Variants in TRPS1 observed in about 807,000 individuals in gnomAD.
TRPS1 encodes zinc finger transcription factor Trps1.
Under a neutral mutation model 101.2 loss-of-function variants are expected in TRPS1, and 6 were observed. The observed-to-expected ratio is 0.06, with a 90% CI of 0.03 to 0.12. The LOEUF is 0.12. TRPS1 is among the 10% of genes least tolerant of loss of function. The pLI is 1.00. For synonymous variants in TRPS1, 578 were observed against 589.8 expected, an observed-to-expected ratio of 0.98 and a Z score of 0.29; for missense variants, 1,363 against 1,567.0, an observed-to-expected ratio of 0.87 and a Z score of 2.20.
At chr8:115,639,716 G>T (rs2130582768) in intron 1 of TRPS1, among the ~76,000 whole-genome samples, 1 of 152,136 alleles carries the variant, frequency 6.6e-6, no homozygotes, top group South Asian at 2.1e-4. Context: ...GTAGTTCCAG[G>T]TACTCCAGAG....
chr8:115,650,672 A>T (rs1811539287), intron 1 of TRPS1, among the ~76,000 whole-genome samples: 2 of 152,268 alleles, frequency 1.3e-5, no homozygotes, highest in South Asian at 4.1e-4. Context: ...GTAAAAATCA[A>T]ACATTCAAAG....
chr8:115,513,229 C>A (rs1279709847), intron 5 of TRPS1, among the ~76,000 whole-genome samples: 1 of 151,658 alleles, frequency 6.6e-6, no homozygotes, highest in Non-Finnish European at 1.5e-5. Flanking sequence ...ATGTAATAAA[C>A]ATGAAATACC....
intron 1 of TRPS1, among the ~76,000 whole-genome samples, chr8:115,657,017 G>A (rs551412637): frequency 1.4e-4 from 21 of 152,080 alleles, no homozygotes; most frequent in Non-Finnish European, 3.1e-4. Flanking sequence ...AACACAAGGT[G>A]TCAGTTTGGA....
At chr8:115,605,805 A>T (rs1284443728) in intron 3 of TRPS1, among the ~76,000 whole-genome samples, 1 of 152,184 alleles carries the variant, frequency 6.6e-6, no homozygotes, top group African/African-American at 2.4e-5. Context: ...AAAAATCACT[A>T]CAACTCTGCT....
chr8:115,518,126 C>A (rs1278902713), intron 5 of TRPS1, among the ~76,000 whole-genome samples: 8 of 107,582 alleles, frequency 7.4e-5, no homozygotes, highest in Admixed American at 4.7e-4. Context: ...GCTCAATGCA[C>A]AGAGCCATTA....
At position 115,619,445 on chromosome 8, in the gene TRPS1, A is replaced by C. The variant is rs745591682; in HGVS notation, c.653T>G (p.Leu218Arg). Residue 218 changes from leucine to arginine, a missense_variant, in exon 3 of 7, where the codon CTG becomes CGG. By Grantham distance (102) the Leu-to-Arg change is moderately radical (BLOSUM62 -2). Transcript: ENST00000395715. ...VRLNKSKTDLLVNDNPDPAPL... is the reference protein window; with the variant it reads ...VRLNKSKTDLRVNDNPDPAPL... ...TGCCGGGTCTGGGTTGTCATTCACC[A>C]GTAAGTCAGTTTTGGATTTATTCAG... is the stretch of plus-strand genomic sequence containing the variant. The C allele has an allele frequency of 9.3e-6, 15 of 1,614,208 alleles. No individual in the cohort carries two copies. The Admixed American group carries it at 2.2e-4, about 23-fold the overall frequency.
At chr8:115,472,455 T>A (rs1814496453) in intron 5 of TRPS1, among the ~76,000 whole-genome samples, 1 of 152,192 alleles carries the variant, frequency 6.6e-6, no homozygotes, top group African/African-American at 2.4e-5. Context: ...TTCCTAGGCC[T>A]CTGGGCCTGT....
intron 5 of TRPS1, among the ~76,000 whole-genome samples, chr8:115,518,787 C>T (rs1193398040): frequency 6.6e-6 from 1 of 151,810 alleles, no homozygotes; most frequent in Non-Finnish European, 1.5e-5. Context: ...ATTTTCTCTG[C>T]ATTGCCTTTT....
intron 5 of TRPS1, among the ~76,000 whole-genome samples, chr8:115,523,662 G>A (rs1054130476): frequency 2.6e-5 from 4 of 152,118 alleles, no homozygotes; most frequent in Admixed American, 6.6e-5. Context: ...TCTGTAGTCC[G>A]AGGCTTTAAT....
chr8:115,534,496 A>G lies in TRPS1; in HGVS notation c.2700+52505T>C, dbSNP rs533760227. On this transcript the variant is annotated intron_variant, in intron 5 of 6. Coordinates refer to ENST00000395715, the MANE Select transcript of TRPS1 (RefSeq NM_014112.5). ...ACTGGAGGTTGAAGCTCTAACCTCA[A>G]TACCATCATACTGGAGGTTGAAGCT... Among the ~76,000 whole-genome samples the G allele has an allele frequency of 3.6e-4, 55 of 152,330 alleles. No homozygotes were observed. The South Asian group carries it at 5.4e-3, about 15-fold the overall frequency.
intron 4 of TRPS1, among the ~76,000 whole-genome samples, chr8:115,603,125 A>G (rs894665567): frequency 2.0e-5 from 3 of 152,200 alleles, no homozygotes; most frequent in Non-Finnish European, 4.4e-5. Flanking sequence ...TAAAGAATGA[A>G]TGCATACATG....
At chr8:115,452,779 G>A (rs1813909111) in intron 5 of TRPS1, among the ~76,000 whole-genome samples, 1 of 152,086 alleles carries the variant, frequency 6.6e-6, no homozygotes, top group African/African-American at 2.4e-5. Flanking sequence ...CTCGAGCACA[G>A]ATGTAACATA....
chr8:115,550,519 T>A (rs932759731), intron 5 of TRPS1, among the ~76,000 whole-genome samples: 1 of 152,172 alleles, frequency 6.6e-6, no homozygotes, highest in Non-Finnish European at 1.5e-5. Flanking sequence ...TAATGCAAAT[T>A]CATATAAAGT....
chr8:115,425,223 G>A (rs1372871716), intron 5 of TRPS1, among the ~76,000 whole-genome samples: 5 of 152,136 alleles, frequency 3.3e-5, no homozygotes, highest in East Asian at 1.9e-4. Context: ...TGAAGAATCC[G>A]TTGAAATGGG....
intron 1 of TRPS1, among the ~76,000 whole-genome samples, chr8:115,644,010 A>C (rs1378071697): frequency 1.3e-5 from 2 of 152,226 alleles, no homozygotes; most frequent in African/African-American, 4.8e-5. Flanking sequence ...TTTTCCAAGT[A>C]GTAGGTCTCA....
At chr8:115,523,253 G>C (rs895706269) in intron 5 of TRPS1, among the ~76,000 whole-genome samples, 2 of 152,128 alleles carry the variant, frequency 1.3e-5, no homozygotes, top group Admixed American at 6.6e-5. Flanking sequence ...TGATAAATCA[G>C]AAGGGCTTAA....
intron 5 of TRPS1, among the ~76,000 whole-genome samples, chr8:115,490,167 GT>G (rs1285442050): frequency 6.6e-6 from 1 of 152,090 alleles, no homozygotes; most frequent in East Asian, 1.9e-4. Context: ...AGACAAGGAA[GT>G]TTTACTAGGG....
At chr8:115,568,175 G>A (rs1347359186) in intron 5 of TRPS1, among the ~76,000 whole-genome samples, 1 of 151,862 alleles carries the variant, frequency 6.6e-6, no homozygotes, top group Middle Eastern at 3.4e-3. Flanking sequence ...TACTCCCCCA[G>A]CAAAAACCAA....
chr8:115,512,013 T>C (rs1187351473), intron 5 of TRPS1, among the ~76,000 whole-genome samples: 2 of 151,810 alleles, frequency 1.3e-5, no homozygotes, highest in African/African-American at 4.8e-5. Context: ...AACGTGTTGC[T>C]ACCATCCCTA....
Sources: gnomAD v4.1 joint callset for allele counts (sites outside exome capture counted in the v4.1 genomes callset) on GRCh38, gnomAD v4.1.1 for gene constraint, MANE v1.5 for transcripts, NCBI Gene and HGNC (gene_info 2026-07-23, HGNC 2026-07-21) for gene names.